The following NRXN3 variants were observed in gnomAD, a reference collection of about 807,000 sequenced individuals.
NRXN3 encodes the protein neurexin III.
NRXN3 carries 32 observed loss-of-function variants against 137.6 expected under a neutral mutation model. The observed-to-expected ratio is 0.23, with a 90% CI of 0.18 to 0.31. NRXN3 has a LOEUF of 0.31. NRXN3 is among the 10% of genes least tolerant of loss of function. NRXN3 has a pLI of 1.00. For missense variants in NRXN3, 1,574 were observed against 2,062.5 expected (o/e 0.76, Z 4.59); for synonymous variants, 798 against 784.5 (o/e 1.02, Z -0.29).
At chr14:78,314,903 CTT>C (rs1233175236) in intron 4 of NRXN3, among the ~76,000 whole-genome samples, 1 of 103,800 alleles carries the variant, frequency 9.6e-6, no homozygotes, top group African/African-American at 5.2e-5. Flanking sequence ...CTCTTTCTTT[CTT>C]TCTTTCTTTC....
At position 79,714,468 on chromosome 14, in the gene NRXN3, C is replaced by T. The variant is rs558460546; in HGVS notation, c.4014+16531C>T. On this transcript the variant is annotated intron_variant, in intron 19 of 20. Transcript: ENST00000335750. ...AGAAGTAAGAGGATAAATAGCAAAA[C>T]TCACTTCCAACATCATACTAAAAGC... 3.9e-5 allele frequency among the ~76,000 whole-genome samples: 6 copies of T among 152,268 alleles called. No individual in the cohort carries two copies. The East Asian group carries it at 1.2e-3, about 29-fold the overall frequency.
intron 8 of NRXN3, among the ~76,000 whole-genome samples, chr14:78,756,366 T>A (rs10149743): frequency 0.33 from 50,322 of 151,424 alleles, 11,200 homozygotes; most frequent in African/African-American, 0.64. Flanking sequence ...CATGCACCTG[T>A]AATCCCAACT....
chr14:78,377,718 T>C (rs989500761), intron 4 of NRXN3, among the ~76,000 whole-genome samples: 2 of 152,220 alleles, frequency 1.3e-5, no homozygotes, highest in African/African-American at 4.8e-5. Flanking sequence ...GGCCTTTCCT[T>C]GGTGTGCCTG....
chr14:79,316,210 A>C (rs764671530), intron 15 of NRXN3, among the ~76,000 whole-genome samples: 7 of 152,236 alleles, frequency 4.6e-5, no homozygotes, highest in Non-Finnish European at 1.0e-4. Context: ...TACCATGCAA[A>C]CATTTGCTTG....
chr14:78,319,356 G>A (rs1248636952), intron 4 of NRXN3, among the ~76,000 whole-genome samples: 1 of 152,134 alleles, frequency 6.6e-6, no homozygotes, highest in Non-Finnish European at 1.5e-5. Flanking sequence ...GTGCACATGT[G>A]CTGTTCCATT....
At chr14:79,832,763 TA>T (rs930248421) in intron 20 of NRXN3, among the ~76,000 whole-genome samples, 3 of 151,898 alleles carry the variant, frequency 2.0e-5, no homozygotes, top group South Asian at 4.2e-4. Flanking sequence ...TTAAAAAAAG[TA>T]AAAAAAACAT....
intron 6 of NRXN3, among the ~76,000 whole-genome samples, chr14:78,696,578 C>G (rs2098228192): frequency 6.6e-6 from 1 of 151,966 alleles, no homozygotes; most frequent in South Asian, 2.1e-4. Flanking sequence ...TCAGAATATA[C>G]TTCAACTCAG....
At chr14:79,592,439 G>A (rs17109548) in intron 16 of NRXN3, among the ~76,000 whole-genome samples, 52,069 of 151,970 alleles carry the variant, frequency 0.34, 9,432 homozygotes, top group Middle Eastern at 0.47. Flanking sequence ...TTACCTTGAA[G>A]TTTTAATGTT....
chr14:78,179,842 G>GTTTCTTTTTTTTTTTT (rs2059648054), intron 1 of NRXN3, among the ~76,000 whole-genome samples: 1 of 109,154 alleles, frequency 9.2e-6, no homozygotes, highest in Non-Finnish European at 1.9e-5. Flanking sequence ...CTGTTTTTTT[G>GTTTCTTTTTTTTTTTT]TTTTTTTTTT....
At chr14:78,802,737 G>A (rs2098843178) in intron 8 of NRXN3, among the ~76,000 whole-genome samples, 1 of 152,146 alleles carries the variant, frequency 6.6e-6, no homozygotes, top group Non-Finnish European at 1.5e-5. Flanking sequence ...TTTGAGGTCA[G>A]GAGTTCAAGA....
At chr14:78,720,499 T>C (rs556677016) in intron 8 of NRXN3, among the ~76,000 whole-genome samples, 2 of 152,312 alleles carry the variant, frequency 1.3e-5, no homozygotes, top group African/African-American at 2.4e-5. Context: ...CCCAGACTTC[T>C]TTTACTTTCA....
At chr14:78,753,335 G>A (rs997595824) in intron 8 of NRXN3, among the ~76,000 whole-genome samples, 9 of 152,132 alleles carry the variant, frequency 5.9e-5, no homozygotes, top group African/African-American at 2.2e-4. Flanking sequence ...TGGGTGACTT[G>A]TATCGATTTC....
At chr14:79,195,857 A>G (rs538008605) in intron 15 of NRXN3, among the ~76,000 whole-genome samples, 1 of 152,334 alleles carries the variant, frequency 6.6e-6, no homozygotes, top group Admixed American at 6.5e-5. Context: ...TTGGGAAATA[A>G]AATAGTTAAC....
intron 4 of NRXN3, among the ~76,000 whole-genome samples, chr14:78,643,718 A>G (rs562072924): frequency 4.6e-5 from 7 of 152,262 alleles, no homozygotes; most frequent in South Asian, 2.1e-4. Flanking sequence ...GCTTTGTCCT[A>G]TATCATGAAG....
At chr14:78,346,112 A>G (rs2082702438) in intron 4 of NRXN3, among the ~76,000 whole-genome samples, 1 of 152,098 alleles carries the variant, frequency 6.6e-6, no homozygotes, top group South Asian at 2.1e-4. Context: ...CTCTATTGAG[A>G]CCTGAAGCAC....
intron 4 of NRXN3, among the ~76,000 whole-genome samples, chr14:78,311,564 A>G (rs2077983585): frequency 6.6e-6 from 1 of 152,204 alleles, no homozygotes; most frequent in Admixed American, 6.5e-5. Context: ...TAAGCACAGC[A>G]GAAATCATTA....
chr14:79,612,528 T>C (rs1249577796), intron 16 of NRXN3, among the ~76,000 whole-genome samples: 2 of 152,182 alleles, frequency 1.3e-5, no homozygotes, highest in African/African-American at 2.4e-5. Flanking sequence ...CCAATTCCCA[T>C]GAAAATCCAT....
intron 19 of NRXN3, among the ~76,000 whole-genome samples, chr14:79,770,394 T>C (rs1310403366): frequency 1.4e-5 from 2 of 145,318 alleles, no homozygotes; most frequent in Non-Finnish European, 3.0e-5. Flanking sequence ...CCTCAGCAAA[T>C]GTAAAAGAAC....
intron 16 of NRXN3, among the ~76,000 whole-genome samples, chr14:79,544,524 G>C (rs866480271): frequency 6.6e-6 from 1 of 152,178 alleles, no homozygotes; most frequent in Non-Finnish European, 1.5e-5. Flanking sequence ...TGTTGGATGA[G>C]ATTGGACATC....
Sources: gnomAD v4.1 joint callset for allele counts (sites outside exome capture counted in the v4.1 genomes callset) on GRCh38, gnomAD v4.1.1 for gene constraint, MANE v1.5 for transcripts, NCBI Gene and HGNC (gene_info 2026-07-23, HGNC 2026-07-21) for gene names.